LOC400499: variants seen among roughly 807,000 people sequenced by gnomAD.
the LOC400499 span, among the ~76,000 whole-genome samples, chr16:11,452,788 C>A: frequency 6.6e-5 from 10 of 152,196 alleles, no homozygotes; most frequent in Non-Finnish European, 1.0e-4. Flanking sequence ...CTTCTCCATG[C>A]CCTTCTGTGT....
At chr16:11,385,077 AG>A in the LOC400499 span, 1 of 1,232,066 alleles carries the variant, frequency 8.1e-7, no homozygotes, top group African/African-American at 1.6e-5. Flanking sequence ...TGTGGGCCAG[AG>A]GGGGCTGGGC....
At chr16:11,390,194 T>G in the LOC400499 span, 1,104,163 of 1,232,368 alleles carry the variant, frequency 0.9, 498,242 homozygotes, top group Non-Finnish European at 0.92. Context: ...ACAGCATCTG[T>G]TGGGCGGCCT....
chr16:11,485,175 G>T, the LOC400499 span: 2 of 398,008 alleles, frequency 5.0e-6, no homozygotes, highest in South Asian at 1.4e-4. Flanking sequence ...GAAGGCTTGA[G>T]CACGGCACTC....
At chr16:11,487,682 G>C in the LOC400499 span, among the ~76,000 whole-genome samples, 17 of 152,202 alleles carry the variant, frequency 1.1e-4, no homozygotes, top group African/African-American at 1.9e-4. Flanking sequence ...GGTTGAAAGA[G>C]ATTCCCTTTT....
the LOC400499 span, among the ~76,000 whole-genome samples, chr16:11,492,859 G>A: frequency 7.9e-5 from 12 of 152,274 alleles, no homozygotes; most frequent in Admixed American, 6.5e-4. Context: ...CCAGAGCCAG[G>A]GGGACCTGGG....
At chr16:11,409,694 G>T in the LOC400499 span, among the ~76,000 whole-genome samples, 1 of 152,226 alleles carries the variant, frequency 6.6e-6, no homozygotes, top group Non-Finnish European at 1.5e-5. Context: ...TACATTAAAT[G>T]AAGGTATTAA....
At chr16:11,448,231 C>A in the LOC400499 span, among the ~76,000 whole-genome samples, 92,231 of 152,076 alleles carry the variant, frequency 0.61, 32,002 homozygotes, top group Non-Finnish European at 0.81. Context: ...AGCCTCCACC[C>A]TGATCAGACC....
At chr16:11,494,905 A>G in the LOC400499 span, 2 of 397,180 alleles carry the variant, frequency 5.0e-6, no homozygotes, top group Admixed American at 8.8e-5. Context: ...CTTTTCAGGG[A>G]ACATTTTAAA....
At chr16:11,466,550 G>A in the LOC400499 span, among the ~76,000 whole-genome samples, 3 of 151,768 alleles carry the variant, frequency 2.0e-5, no homozygotes, top group Admixed American at 6.6e-5. Context: ...CACCATACCC[G>A]GCTACTTTTT....
At chr16:11,390,108 G>A in the LOC400499 span, 11 of 1,232,164 alleles carry the variant, frequency 8.9e-6, no homozygotes, top group Non-Finnish European at 1.1e-5. Context: ...GAGTTACCTG[G>A]CCGACAGGCT....
chr16:11,505,517 G>C, the LOC400499 span, among the ~76,000 whole-genome samples: 25 of 112,600 alleles, frequency 2.2e-4, no homozygotes, highest in Non-Finnish European at 3.8e-4. Flanking sequence ...GCAGTGGTTT[G>C]ATCACAGCTC....
chr16:11,426,442 C>G, the LOC400499 span, among the ~76,000 whole-genome samples: 2 of 151,968 alleles, frequency 1.3e-5, no homozygotes, highest in South Asian at 4.1e-4. Flanking sequence ...GACTCTGTCT[C>G]TAAAAAACAA....
chr16:11,464,609 A>G, the LOC400499 span, among the ~76,000 whole-genome samples: 5 of 152,178 alleles, frequency 3.3e-5, no homozygotes, highest in Admixed American at 1.3e-4. Flanking sequence ...CTTCGTATTC[A>G]TGAGCTCATC....
chr16:11,449,111 C>T, the LOC400499 span: 2 of 1,446,094 alleles, frequency 1.4e-6, no homozygotes, highest in East Asian at 5.0e-5. Flanking sequence ...TGGAAACCTG[C>T]AATGAGGTGA....
chr16:11,392,355 C>T, the LOC400499 span: 3 of 399,036 alleles, frequency 7.5e-6, no homozygotes, highest in Non-Finnish European at 1.3e-5. Context: ...CAGCCGCGCG[C>T]GGCCAGCAGG....
chr16:11,407,997 T>TTTTTTTTTTTTG, the LOC400499 span, among the ~76,000 whole-genome samples: 1 of 104,166 alleles, frequency 9.6e-6, no homozygotes, highest in African/African-American at 3.5e-5. Flanking sequence ...TTTTTTTTTT[T>TTTTTTTTTTTTG]GAGAAGGAGT....
chr16:11,521,686 C>A, the LOC400499 span, among the ~76,000 whole-genome samples: 1 of 152,330 alleles, frequency 6.6e-6, no homozygotes, highest in East Asian at 1.9e-4. Flanking sequence ...GCTCTTCTCA[C>A]TCCACGAACT....
At chr16:11,431,492 G>A in the LOC400499 span, among the ~76,000 whole-genome samples, 33 of 152,184 alleles carry the variant, frequency 2.2e-4, no homozygotes, top group Non-Finnish European at 5.9e-5. Context: ...TGCAACCTCC[G>A]CCTCCTGGGT....
the LOC400499 span, among the ~76,000 whole-genome samples, chr16:11,496,152 T>C: frequency 2.6e-5 from 4 of 151,698 alleles, no homozygotes; most frequent in Non-Finnish European, 4.4e-5. Context: ...CTGCAACCTC[T>C]GCCTCCTGAG....
Sources: gnomAD v4.1 joint callset for allele counts (sites outside exome capture counted in the v4.1 genomes callset) on GRCh38, gnomAD v4.1.1 for gene constraint, MANE v1.5 for transcripts.